Variants in ASXL1 observed in about 807,000 individuals in gnomAD.
ASXL1 encodes polycomb group protein ASXL1.
A neutral mutation model predicts 89.1 loss-of-function variants in ASXL1; 65 were observed. The observed-to-expected ratio is 0.73, with a 90% CI of 0.60 to 0.90. The LOEUF (loss-of-function observed/expected upper bound fraction) is 0.90, where lower values mean the gene tolerates loss of function less well. Ranked by LOEUF, ASXL1 falls within the 40% of genes least tolerant of loss-of-function variation. ASXL1 has a pLI of 0.00. For synonymous variants in ASXL1, 739 were observed against 746.9 expected (o/e 0.99, Z 0.17); for missense variants, 1,786 against 1,942.9 (o/e 0.92, Z 1.52).
At chr20:32,377,749 T>TG in intron 4 of ASXL1, among the ~76,000 whole-genome samples, 2 of 145,780 alleles carry the variant, frequency 1.4e-5, no homozygotes, top group South Asian at 4.6e-4. Flanking sequence ...GCCTCCCAGG[T>TG]CCAAGCGATT....
At chr20:32,365,092 A>G (rs2048184134) in intron 1 of ASXL1, among the ~76,000 whole-genome samples, 1 of 152,192 alleles carries the variant, frequency 6.6e-6, no homozygotes, top group African/African-American at 2.4e-5. Context: ...GGTGAATTAG[A>G]GTTGCCAATT....
intron 4 of ASXL1, among the ~76,000 whole-genome samples, chr20:32,394,693 TTAAG>T (rs1453585892): frequency 6.6e-6 from 1 of 152,182 alleles, no homozygotes; most frequent in Non-Finnish European, 1.5e-5. Context: ...TATTTTTCAT[TTAAG>T]TAGTCAATTT....
At chr20:32,411,215 CTTTTTTTT>C (rs71187118) in intron 4 of ASXL1, among the ~76,000 whole-genome samples, 25 of 53,444 alleles carry the variant, frequency 4.7e-4, no homozygotes, top group African/African-American at 1.1e-3. Context: ...TTTATGGATT[CTTTTTTTT>C]TTTTTTTTTT....
intron 4 of ASXL1, among the ~76,000 whole-genome samples, chr20:32,396,527 T>C (rs2424884): frequency 0.36 from 54,769 of 152,084 alleles, 10,835 homozygotes; most frequent in Middle Eastern, 0.53. Flanking sequence ...TCTGTAACAA[T>C]CTTTTTCCTT....
At position 32,360,753 on chromosome 20, in the gene ASXL1, C is replaced by T. The variant is rs575134042; in HGVS notation, c.57+1921C>T. 1.8e-5 allele frequency: 3 copies of T among 168,258 alleles called. No homozygotes were observed. In the East Asian group the frequency reaches 3.4e-4, roughly 19 times the overall value. 10.4% of individuals were successfully genotyped at this position (168,258 alleles called of 1,614,324 possible). On this transcript the variant is annotated intron_variant, in intron 1 of 12. Coordinates refer to ENST00000375687, the MANE Select transcript of ASXL1 (RefSeq NM_015338.6). ...TTTACCGTGGTCTGAACTTCAACATCGAGGTTGCTATTTCTGTTTTATCAT... is the reference window on the plus strand; with the variant it reads ...TTTACCGTGGTCTGAACTTCAACATTGAGGTTGCTATTTCTGTTTTATCAT...
intron 4 of ASXL1, among the ~76,000 whole-genome samples, chr20:32,386,169 A>G (rs2048575601): frequency 6.6e-6 from 1 of 152,150 alleles, no homozygotes; most frequent in East Asian, 1.9e-4. Flanking sequence ...TATCCCTAGG[A>G]GCTCTTATGG....
At chr20:32,380,733 G>A (rs115236133) in intron 4 of ASXL1, among the ~76,000 whole-genome samples, 2,490 of 152,190 alleles carry the variant, frequency 0.016, 85 homozygotes, top group African/African-American at 0.055. Context: ...GCGACTAATT[G>A]AGACCCTGTC....
intron 4 of ASXL1, among the ~76,000 whole-genome samples, chr20:32,393,453 G>T (rs1233259723): frequency 1.3e-5 from 2 of 151,982 alleles, no homozygotes; most frequent in African/African-American, 4.8e-5. Flanking sequence ...GGAGTTTGTA[G>T]ACTATTTATG....
At chr20:32,368,562 T>C (rs879486655) in intron 3 of ASXL1, among the ~76,000 whole-genome samples, 6 of 152,224 alleles carry the variant, frequency 3.9e-5, no homozygotes, top group Non-Finnish European at 8.8e-5. Context: ...GCTTGTTTTA[T>C]TGGCACAGCA....
chr20:32,412,382 T>C (rs1197485218), intron 4 of ASXL1, among the ~76,000 whole-genome samples: 3 of 152,194 alleles, frequency 2.0e-5, no homozygotes, highest in African/African-American at 7.2e-5. Context: ...AGTATTTGTT[T>C]ATAGTTCATT....
chr20:32,427,656 CTTTT>C lies in ASXL1; in HGVS notation c.253-471_253-468del, dbSNP rs1459263156. On this transcript the variant is annotated intron_variant, in intron 4 of 12. Transcript: ENST00000375687. Reference sequence around the variant, plus strand: ...TAAAACCCAGCTTAAGCAACACATCCTTTTGGATGTGTTACTTCCCTGATCGTTA... The same window carrying C: ...TAAAACCCAGCTTAAGCAACACATCCGGATGTGTTACTTCCCTGATCGTTA... 10 of 198,528 alleles carry C rather than the reference CTTTT, an allele frequency of 5.0e-5. No individual in the cohort carries two copies. The Admixed American group carries it at 5.3e-4, about 11-fold the overall frequency. 12.3% of individuals were successfully genotyped at this position (198,528 alleles called of 1,614,324 possible). A position where few individuals can be genotyped will look rare whatever the true frequency, so the allele number is the denominator to read the frequency against.
chr20:32,396,466 T>C (rs540318991), intron 4 of ASXL1, among the ~76,000 whole-genome samples: 1 of 152,196 alleles, frequency 6.6e-6, no homozygotes, highest in Non-Finnish European at 1.5e-5. Context: ...TTTGTAAGGG[T>C]ATACAGATAT....
At chr20:32,425,970 A>G (rs2011269529) in intron 4 of ASXL1, among the ~76,000 whole-genome samples, 1 of 152,172 alleles carries the variant, frequency 6.6e-6, no homozygotes, top group Non-Finnish European at 1.5e-5. Context: ...CTCCCAAAGT[A>G]CTGGGATTAC....
intron 8 of ASXL1, chr20:32,430,363 GTGA>G (rs1407928129): frequency 6.1e-6 from 2 of 326,148 alleles, no homozygotes; most frequent in African/African-American, 4.2e-5. Flanking sequence ...GAGCTTCTCA[GTGA>G]AGAATTCCAA....
chr20:32,371,329 G>T (rs1264009083), intron 4 of ASXL1, among the ~76,000 whole-genome samples: 1 of 152,036 alleles, frequency 6.6e-6, no homozygotes, highest in Non-Finnish European at 1.5e-5. Context: ...TCTGTCACCT[G>T]GGCTGGAGTG....
chr20:32,359,140 A>C (rs1353936490), intron 1 of ASXL1: 1 of 627,014 alleles, frequency 1.6e-6, no homozygotes, highest in African/African-American at 1.8e-5. Flanking sequence ...CCCCTCCCCC[A>C]CTATTTGGCA....
intron 4 of ASXL1, among the ~76,000 whole-genome samples, chr20:32,376,526 G>A (rs545568513): frequency 2.7e-5 from 4 of 150,698 alleles, no homozygotes; most frequent in South Asian, 2.1e-4. Context: ...TCCACCCACC[G>A]CAGCCCCCCA....
chr20:32,388,975 C>T (rs548303439), intron 4 of ASXL1, among the ~76,000 whole-genome samples: 3 of 152,212 alleles, frequency 2.0e-5, no homozygotes, highest in South Asian at 2.1e-4. Flanking sequence ...ATCCAACCAT[C>T]GTCAAACAAA....
chr20:32,388,816 A>G (rs964132630), intron 4 of ASXL1, among the ~76,000 whole-genome samples: 2 of 152,140 alleles, frequency 1.3e-5, no homozygotes, highest in African/African-American at 2.4e-5. Flanking sequence ...GATCATGCCT[A>G]TAAGACCTGG....
Sources: allele counts gnomAD v4.1 joint callset (sites outside exome capture counted in the v4.1 genomes callset), GRCh38; gene constraint gnomAD v4.1.1; transcripts MANE v1.5; gene names NCBI Gene and HGNC (gene_info 2026-07-23, HGNC 2026-07-21).